The following EYA4 variants were observed in gnomAD, a reference collection of about 807,000 sequenced individuals.
The protein encoded by EYA4 is EYA transcriptional coactivator and phosphatase 4.
In EYA4, 31 loss-of-function variants were observed where a neutral mutation model predicts 87.9. The observed-to-expected ratio is 0.35, with a 90% confidence interval of 0.27 to 0.48. The LOEUF (loss-of-function observed/expected upper bound fraction) is 0.48, where lower values mean the gene tolerates loss of function less well. Among genes scored for constraint, EYA4 ranks in the 20% least tolerant of loss-of-function variants. EYA4 has a pLI of 0.99. For synonymous variants in EYA4, 263 were observed against 270.6 expected (o/e 0.97, Z 0.28); for missense variants, 678 against 761.4 (o/e 0.89, Z 1.29).
At chr6:133,334,207 T>C (rs574869300) in intron 2 of EYA4, among the ~76,000 whole-genome samples, 1 of 152,328 alleles carries the variant, frequency 6.6e-6, no homozygotes, top group Non-Finnish European at 1.5e-5. Flanking sequence ...AGCAGATGCA[T>C]ATGCTAAAAG....
intron 2 of EYA4, among the ~76,000 whole-genome samples, chr6:133,302,232 AAAT>A (rs1779467567): frequency 6.6e-6 from 1 of 151,998 alleles, no homozygotes; most frequent in Non-Finnish European, 1.5e-5. Context: ...CTTTTTTTTT[AAAT>A]AAATAAATAA....
chr6:133,499,749 A>G (rs942120006), intron 13 of EYA4, among the ~76,000 whole-genome samples: 1 of 152,106 alleles, frequency 6.6e-6, no homozygotes, highest in African/African-American at 2.4e-5. Context: ...AATGATCTTT[A>G]TGGAGGTGAA....
At chr6:133,314,679 G>T (rs927207360) in intron 2 of EYA4, among the ~76,000 whole-genome samples, 1 of 151,944 alleles carries the variant, frequency 6.6e-6, no homozygotes, top group Admixed American at 6.6e-5. Flanking sequence ...CTAAAATTTG[G>T]TTAACATAGA....
At chr6:133,285,229 C>T (rs947005402) in intron 2 of EYA4, among the ~76,000 whole-genome samples, 2 of 152,066 alleles carry the variant, frequency 1.3e-5, no homozygotes, top group Non-Finnish European at 1.5e-5. Context: ...ATCTCCTGAC[C>T]TTGTGATCTG....
intron 13 of EYA4, among the ~76,000 whole-genome samples, chr6:133,483,331 A>G (rs116032188): frequency 0.011 from 1,654 of 152,264 alleles, 33 homozygotes; most frequent in African/African-American, 0.038. Flanking sequence ...TATTTCTTCA[A>G]AAGGACTGAG....
intron 1 of EYA4, among the ~76,000 whole-genome samples, chr6:133,244,071 A>G (rs570401356): frequency 3.3e-5 from 5 of 152,356 alleles, no homozygotes; most frequent in African/African-American, 1.2e-4. Flanking sequence ...TTTGAAAGCA[A>G]CATAATTAGA....
intron 2 of EYA4, among the ~76,000 whole-genome samples, chr6:133,312,063 G>A (rs556939911): frequency 7.2e-5 from 11 of 152,268 alleles, no homozygotes; most frequent in African/African-American, 2.6e-4. Flanking sequence ...CATGACTGAG[G>A]TGATGAGTGG....
chr6:133,362,355 G>T (rs547703767), intron 2 of EYA4, among the ~76,000 whole-genome samples: 45 of 152,238 alleles, frequency 3.0e-4, no homozygotes, highest in African/African-American at 1.1e-3. Context: ...GGCCGTTATT[G>T]TCCTAGAATG....
chr6:133,518,939 T>C (rs984300512), intron 17 of EYA4, among the ~76,000 whole-genome samples: 8 of 150,840 alleles, frequency 5.3e-5, no homozygotes, highest in African/African-American at 9.8e-5. Flanking sequence ...AGATGTTCTT[T>C]GAAACCAACG....
chr6:133,266,005 C>T (rs1220976232), intron 1 of EYA4, among the ~76,000 whole-genome samples: 1 of 152,168 alleles, frequency 6.6e-6, no homozygotes. Context: ...GGAAATATTA[C>T]ATTCATACTT....
At chr6:133,402,604 C>T (rs1788358978) in intron 3 of EYA4, among the ~76,000 whole-genome samples, 1 of 152,072 alleles carries the variant, frequency 6.6e-6, no homozygotes, top group South Asian at 2.1e-4. Context: ...TTTCCCTGAG[C>T]AAATTCATTT....
chr6:133,330,937 G>C (rs1404345721), intron 2 of EYA4, among the ~76,000 whole-genome samples: 1 of 150,584 alleles, frequency 6.6e-6, no homozygotes, highest in Non-Finnish European at 1.5e-5. Flanking sequence ...TTTTTTAAAA[G>C]TACATTGACT....
At chr6:133,454,364 C>T (rs1486328785) in intron 5 of EYA4, among the ~76,000 whole-genome samples, 1 of 152,088 alleles carries the variant, frequency 6.6e-6, no homozygotes, top group African/African-American at 2.4e-5. Flanking sequence ...AGCCTTGATA[C>T]CCATCTAGAT....
intron 3 of EYA4, among the ~76,000 whole-genome samples, chr6:133,432,899 GT>G (rs1231380134): frequency 6.6e-6 from 1 of 152,030 alleles, no homozygotes; most frequent in African/African-American, 2.4e-5. Flanking sequence ...GAGTCTCAGT[GT>G]TATTTAGTTA....
intron 3 of EYA4, among the ~76,000 whole-genome samples, chr6:133,410,109 A>G (rs1789077748): frequency 6.6e-6 from 1 of 152,252 alleles, no homozygotes; most frequent in African/African-American, 2.4e-5. Context: ...ACCAGTTTAG[A>G]TAGAGATAAT....
At chr6:133,487,961 G>A (rs1796822248) in intron 13 of EYA4, among the ~76,000 whole-genome samples, 1 of 152,140 alleles carries the variant, frequency 6.6e-6, no homozygotes, top group Non-Finnish European at 1.5e-5. Context: ...CATGGCTCTT[G>A]GATGGCATTT....
chr6:133,337,823 T>C (rs1782489007), intron 2 of EYA4, among the ~76,000 whole-genome samples: 1 of 152,104 alleles, frequency 6.6e-6, no homozygotes, highest in Non-Finnish European at 1.5e-5. Context: ...CAGAATTTGT[T>C]CAGATATCCA....
chr6:133,411,087 C>T (rs936137494), intron 3 of EYA4, among the ~76,000 whole-genome samples: 33 of 150,510 alleles, frequency 2.2e-4, no homozygotes, highest in African/African-American at 8.0e-4. Context: ...TTTATTTTTA[C>T]TTTTGCATAC....
intron 12 of EYA4, among the ~76,000 whole-genome samples, chr6:133,482,005 AAAG>A (rs1431805963): frequency 1.3e-5 from 2 of 152,194 alleles, no homozygotes; most frequent in African/African-American, 4.8e-5. Context: ...ATTTGTATAG[AAAG>A]AAAAATTCAT....
Sources: gnomAD v4.1 joint callset for allele counts (sites outside exome capture counted in the v4.1 genomes callset) on GRCh38, gnomAD v4.1.1 for gene constraint, MANE v1.5 for transcripts, NCBI Gene and HGNC (gene_info 2026-07-23, HGNC 2026-07-21) for gene names.